TOP1MT: variants seen among roughly 807,000 people sequenced by gnomAD.
TOP1MT encodes the protein DNA topoisomerase I mitochondrial, also known as DNA topoisomerase I, mitochondrial.
In TOP1MT, 80 loss-of-function variants were observed where a neutral mutation model predicts 73.9. The ratio of observed to expected loss-of-function variants is 1.08; its 90% CI spans 0.90 to 1.30. The LOEUF (loss-of-function observed/expected upper bound fraction) is 1.30. Ranked by LOEUF, TOP1MT falls within the 50% of genes most tolerant of loss-of-function variation. The pLI is 0.00. For missense variants in TOP1MT, 815 were observed against 808.0 expected (o/e 1.01, Z -0.10); for synonymous variants, 338 against 326.4 (o/e 1.04, Z -0.38).
intron 2 of TOP1MT, among the ~76,000 whole-genome samples, chr8:143,342,326 C>T (rs1310710841): frequency 2.3e-5 from 3 of 129,726 alleles, no homozygotes; most frequent in Admixed American, 7.3e-5. Context: ...GACAGAGTCT[C>T]GCTGTTATTA....
intron 1 of TOP1MT, among the ~76,000 whole-genome samples, chr8:143,351,762 A>G (rs180961418): frequency 4.3e-4 from 65 of 152,288 alleles, no homozygotes; most frequent in African/African-American, 1.5e-3. Flanking sequence ...TCCTGTGTTC[A>G]TGGACTAGAT....
rs147991386 is a variant in TOP1MT, at chr8:143,331,315, G to A, written c.147C>T (p.Asp49=). ...GARWEKEKHE[D]GVKWRQLEHK... Reference sequence around the variant, plus strand: ...GCTCCAGCTGTCTCCACTTCACCCCGTCTTCGTGCTTCTCCTTCTCCCACC... The same window carrying A: ...GCTCCAGCTGTCTCCACTTCACCCCATCTTCGTGCTTCTCCTTCTCCCACC... Residue 49 remains aspartate, a synonymous_variant, in exon 2 of 14, where the codon GAC becomes GAT. Transcript: ENST00000329245. 1.1e-3 allele frequency: 1,843 copies of A among 1,612,282 alleles called. 2 individuals carry two copies. Among genetic ancestry groups the A allele is most frequent in the Non-Finnish European group, 1.3e-3 (1,587 of 1,178,642 alleles).
In TOP1MT at chr8:143,352,928, C is replaced by G. The variant is rs1156891978; in HGVS notation, c.-39+3037G>C. On this transcript the variant is annotated intron_variant, in intron 1 of 5. Transcript: ENST00000518760. ...GCAGATAATGGTTTTTAAAAACACA[C>G]ACAGGCAAAGCACAAACAATCAAAG... 2.8e-4 allele frequency among the ~76,000 whole-genome samples: 43 copies of G among 152,152 alleles called. 2 individuals are homozygous for G. The highest frequency in any genetic ancestry group is 2.8e-3 in the Admixed American group (43 of 15,274).
At chr8:143,325,629 G>T in intron 4 of TOP1MT, 96 bp from the exon 5 acceptor site, 1 of 1,178,244 alleles carries the variant, frequency 8.5e-7, no homozygotes, top group Non-Finnish European at 1.2e-6. Flanking sequence ...TGCTCTGTCT[G>T]GCTAACTCAG....
upstream of TOP1MT, among the ~76,000 whole-genome samples, chr8:143,335,679 G>A (rs748540464): frequency 1.3e-5 from 2 of 152,198 alleles, no homozygotes; most frequent in African/African-American, 4.8e-5. Flanking sequence ...GGTCTTCCCC[G>A]GTAAAACCCT....
rs994864799 is a variant in TOP1MT, at chr8:143,341,232, A to G, written c.29+1988T>C. On this transcript the variant is annotated intron_variant, in intron 2 of 5. Transcript: ENST00000518007. The surrounding 1 kb of genome is among the most constrained non-coding windows in gnomAD (Gnocchi z 4.1). ...CTTCGGATATTCTTTTTTTTTTCTC[A>G]GTTTGTGCCTCTCTTCCACACAGCC... Among the ~76,000 whole-genome samples, 3 of 149,282 alleles carry G rather than the reference A, an allele frequency of 2.0e-5. No individual in the cohort carries two copies. Among genetic ancestry groups the G allele is most frequent in the African/African-American group, 7.4e-5 (3 of 40,396 alleles).
intron 12 of TOP1MT, among the ~76,000 whole-genome samples, chr8:143,315,300 A>G (rs1285651123): frequency 6.6e-6 from 1 of 152,202 alleles, no homozygotes; most frequent in East Asian, 1.9e-4. Flanking sequence ...AGATAGCAGT[A>G]GAAAATTAGT....
chr8:143,324,684 A>C, intron 5 of TOP1MT, 55 bp from the exon 6 acceptor site: 1 of 1,586,322 alleles, frequency 6.3e-7, no homozygotes, highest in Non-Finnish European at 8.6e-7. Flanking sequence ...TCTGGAATGC[A>C]AGCAAAAGGA....
At chr8:143,354,475 G>A (rs1278302644) in intron 1 of TOP1MT, among the ~76,000 whole-genome samples, 3 of 151,644 alleles carry the variant, frequency 2.0e-5, no homozygotes, top group South Asian at 2.1e-4. Context: ...CACTATGGGA[G>A]GCTGAGGCAG....
intron 1 of TOP1MT, among the ~76,000 whole-genome samples, chr8:143,333,287 A>T (rs922352877): frequency 1.3e-5 from 2 of 152,162 alleles, no homozygotes; most frequent in Non-Finnish European, 2.9e-5. Flanking sequence ...GTCTCTACTA[A>T]AAATACAAAA....
chr8:143,322,227 C>T (rs1816448130), intron 7 of TOP1MT, among the ~76,000 whole-genome samples: 1 of 63,256 alleles, frequency 1.6e-5, no homozygotes, highest in Non-Finnish European at 3.0e-5. Flanking sequence ...CACAGGCACG[C>T]CACACACATG....
At chr8:143,357,097 A>G (rs1168320221), upstream of TOP1MT, among the ~76,000 whole-genome samples, 2 of 150,636 alleles carry the variant, frequency 1.3e-5, no homozygotes, top group Admixed American at 1.3e-4. Context: ...CCATCTCAAA[A>G]AAAAAAAAAA....
upstream of TOP1MT, among the ~76,000 whole-genome samples, chr8:143,338,913 G>T (rs758987342): frequency 1.3e-5 from 2 of 152,218 alleles, no homozygotes; most frequent in Non-Finnish European, 2.9e-5. Flanking sequence ...GCCACTCAGG[G>T]GTTGCCCAAG....
At chr8:143,310,732 T>C (rs1050455077) in intron 12 of TOP1MT, among the ~76,000 whole-genome samples, 3 of 152,162 alleles carry the variant, frequency 2.0e-5, no homozygotes, top group African/African-American at 7.2e-5. Flanking sequence ...CACTCGAATG[T>C]GCGTGGAAAG....
At chr8:143,310,432 C>T (rs13256542) in intron 12 of TOP1MT, 239,722 of 439,598 alleles carry the variant, frequency 0.55, 68,433 homozygotes, top group East Asian at 0.78. Flanking sequence ...GGGCCGTGGG[C>T]GGAGGGTGAG....
chr8:143,345,219 C>T (rs1404010440), upstream of TOP1MT, among the ~76,000 whole-genome samples: 1 of 152,192 alleles, frequency 6.6e-6, no homozygotes, highest in African/African-American at 2.4e-5. Context: ...CAGTCCTTCC[C>T]GAGGAGCTTA....
chr8:143,318,978 A>C (rs1231000152), intron 8 of TOP1MT, among the ~76,000 whole-genome samples: 1 of 152,152 alleles, frequency 6.6e-6, no homozygotes, highest in Non-Finnish European at 1.5e-5. Flanking sequence ...CCTGGACAGC[A>C]CTGCAAATGG....
In TOP1MT at chr8:143,324,510, A is replaced by C; in HGVS notation, c.791T>G (p.Met264Arg). ...CTTCAGCTTCGAGCAAGGGTTCAGC[A>C]TGATGTACTTGATGGAGTTCTGAAC... ...ESVQNSIKYI[M>R]LNPCSKLKGE... The change falls in exon 6 of 14, where the codon ATG becomes AGG. Residue 264 changes from methionine (M) to arginine (R), a missense_variant. Around this residue, in one of 3 missense-constraint regions of TOP1MT, gnomAD observed 751 missense variants for 725.4 expected, o/e 1.04. Coordinates refer to ENST00000329245, the MANE Select transcript of TOP1MT (RefSeq NM_052963.3). 1 of 1,613,972 alleles carries C rather than the reference A, an allele frequency of 6.2e-7. No individual in the cohort carries two copies. Among genetic ancestry groups the C allele is most frequent in the Non-Finnish European group, 8.5e-7 (1 of 1,180,010 alleles).
chr8:143,349,675 C>T (rs562837582), upstream of TOP1MT, among the ~76,000 whole-genome samples: 7 of 148,386 alleles, frequency 4.7e-5, no homozygotes, highest in Non-Finnish European at 1.0e-4. Context: ...GAGTCTTGCT[C>T]TGTCACCCAG....
Sources: gnomAD v4.1 joint callset for allele counts (sites outside exome capture counted in the v4.1 genomes callset) on GRCh38, gnomAD v4.1.1 for gene constraint, gnomAD v4.1.1 regional missense constraint, Gnocchi (gnomAD v3.1) non-coding constraint, MANE v1.5 for transcripts, NCBI Gene and HGNC (gene_info 2026-07-23, HGNC 2026-07-21) for gene names.